The following MCHR2 variants were observed in gnomAD, a reference collection of about 807,000 sequenced individuals.
MCHR2 encodes melanin-concentrating hormone receptor 2.
In MCHR2, 15 loss-of-function variants were observed where a neutral mutation model predicts 24.8. That is an observed-to-expected ratio of 0.60 (90% CI 0.40 to 0.93). The LOEUF (loss-of-function observed/expected upper bound fraction) is 0.93. Among genes scored for constraint, MCHR2 ranks in the 40% least tolerant of loss-of-function variants. The pLI is 0.00. For synonymous variants in MCHR2, 151 were observed against 147.6 expected, an observed-to-expected ratio of 1.02 and a Z score of -0.17; for missense variants, 386 against 408.7, an observed-to-expected ratio of 0.94 and a Z score of 0.48.
In MCHR2 at chr6:99,947,743, T is replaced by C. The variant is rs1774896075; in HGVS notation, c.392+19A>G. On this transcript the variant is annotated intron_variant, in intron 3 of 5. Coordinates refer to ENST00000281806, the MANE Select transcript of MCHR2 (RefSeq NM_001040179.2). ...GCACCTCTGAATTATATTAAGATAT[T>C]TCAAAGTCTTTCACTTACCTGTCCA... The C allele has an allele frequency of 1.9e-6, 3 of 1,608,718 alleles. No homozygotes were observed. Among genetic ancestry groups the C allele is most frequent in the Non-Finnish European group, 2.5e-6 (3 of 1,177,568 alleles).
intron 1 of MCHR2, among the ~76,000 whole-genome samples, chr6:99,980,232 G>A (rs2114585479): frequency 6.6e-6 from 1 of 152,262 alleles, no homozygotes; most frequent in Admixed American, 6.5e-5. Flanking sequence ...AATTTTCCCA[G>A]CACCACAGTC....
chr6:99,928,146 T>A (rs1287338598), intron 5 of MCHR2, among the ~76,000 whole-genome samples: 1 of 152,220 alleles, frequency 6.6e-6, no homozygotes, highest in African/African-American at 2.4e-5. Context: ...CCTTTATGGA[T>A]TTGCATATAT....
At chr6:99,962,459 C>A (rs984904098) in intron 1 of MCHR2, among the ~76,000 whole-genome samples, 1 of 152,152 alleles carries the variant, frequency 6.6e-6, no homozygotes, top group Non-Finnish European at 1.5e-5. Flanking sequence ...GTATGGTCAA[C>A]TGATCTTCAA....
At chr6:99,927,587 T>G (rs1161102377) in intron 5 of MCHR2, among the ~76,000 whole-genome samples, 1 of 152,132 alleles carries the variant, frequency 6.6e-6, no homozygotes, top group Non-Finnish European at 1.5e-5. Context: ...TATTTTATTC[T>G]CTTTGAAGCA....
At chr6:99,958,546 A>T (rs943350147) in intron 1 of MCHR2, among the ~76,000 whole-genome samples, 2 of 152,264 alleles carry the variant, frequency 1.3e-5, no homozygotes, top group Admixed American at 6.5e-5. Context: ...TGAAAAAAAA[A>T]ATCTGTTCAT....
intron 1 of MCHR2, among the ~76,000 whole-genome samples, chr6:99,968,894 G>A (rs1301711552): frequency 1.3e-5 from 2 of 151,920 alleles, no homozygotes; most frequent in Non-Finnish European, 2.9e-5. Flanking sequence ...AGATAAGTCT[G>A]AAGGGAAATT....
chr6:99,971,235 T>C (rs1220048808), intron 1 of MCHR2, among the ~76,000 whole-genome samples: 2 of 152,072 alleles, frequency 1.3e-5, no homozygotes, highest in African/African-American at 2.4e-5. Flanking sequence ...TCTTATTTCA[T>C]TGAGCAGTGG....
chr6:99,964,058 G>C (rs1022807476), intron 1 of MCHR2, among the ~76,000 whole-genome samples: 2 of 152,046 alleles, frequency 1.3e-5, no homozygotes, highest in Non-Finnish European at 2.9e-5. Context: ...TAAGGAAAAG[G>C]CTAATTAAAA....
intron 5 of MCHR2, among the ~76,000 whole-genome samples, chr6:99,930,175 C>T (rs1205760240): frequency 3.9e-5 from 6 of 152,190 alleles, no homozygotes; most frequent in Non-Finnish European, 7.3e-5. Flanking sequence ...CCCTCACTTT[C>T]TCCTGGCTTG....
intron 2 of MCHR2, among the ~76,000 whole-genome samples, chr6:99,948,941 T>C (rs1363893216): frequency 6.6e-6 from 1 of 152,114 alleles, no homozygotes; most frequent in Non-Finnish European, 1.5e-5. Flanking sequence ...AGCTGGTAGA[T>C]GGCACTGAGA....
chr6:99,964,154 C>T (rs977171269), intron 1 of MCHR2, among the ~76,000 whole-genome samples: 2 of 152,034 alleles, frequency 1.3e-5, no homozygotes, highest in African/African-American at 4.8e-5. Flanking sequence ...ACAGAAACTC[C>T]CACCACTGGT....
chr6:99,992,435 G>A (rs982383922), intron 1 of MCHR2, among the ~76,000 whole-genome samples: 4 of 152,190 alleles, frequency 2.6e-5, no homozygotes, highest in Non-Finnish European at 5.9e-5. Context: ...GGACTTAGCA[G>A]TATACACAAC....
At chr6:99,945,735 T>A (rs893160228) in intron 3 of MCHR2, among the ~76,000 whole-genome samples, 3 of 152,142 alleles carry the variant, frequency 2.0e-5, no homozygotes, top group African/African-American at 7.2e-5. Context: ...TTCAGTTTTA[T>A]AGGCTCTTCA....
intron 1 of MCHR2, among the ~76,000 whole-genome samples, chr6:99,980,131 G>A (rs549793531): frequency 6.6e-6 from 1 of 151,234 alleles, no homozygotes; most frequent in South Asian, 2.1e-4. Flanking sequence ...ATAAAGTAAT[G>A]AGAAAGTAAA....
chr6:99,935,079 C>T (rs1013637644), intron 4 of MCHR2, among the ~76,000 whole-genome samples: 2 of 151,906 alleles, frequency 1.3e-5, no homozygotes, highest in African/African-American at 2.4e-5. Flanking sequence ...AAACAATTTT[C>T]GCTGATGCAT....
intron 5 of MCHR2, among the ~76,000 whole-genome samples, chr6:99,925,263 C>CT (rs905158276): frequency 2.0e-5 from 3 of 151,232 alleles, no homozygotes; most frequent in African/African-American, 2.4e-5. Context: ...TTTTCCATTC[C>CT]TTTTTTTTCA....
intron 1 of MCHR2, among the ~76,000 whole-genome samples, chr6:99,966,979 C>A (rs970509447): frequency 2.6e-5 from 4 of 151,986 alleles, no homozygotes; most frequent in Non-Finnish European, 5.9e-5. Context: ...TCATGTGGTA[C>A]CTTTGGGTTG....
At chr6:99,971,690 T>G (rs1383048314) in intron 1 of MCHR2, among the ~76,000 whole-genome samples, 1 of 152,234 alleles carries the variant, frequency 6.6e-6, no homozygotes, top group African/African-American at 2.4e-5. Flanking sequence ...TGATATTTGC[T>G]GTGGGCTTGT....
At chr6:99,963,056 T>C (rs1401078839) in intron 1 of MCHR2, among the ~76,000 whole-genome samples, 1 of 151,890 alleles carries the variant, frequency 6.6e-6, no homozygotes, top group Admixed American at 6.6e-5. Flanking sequence ...TATCACCTCA[T>C]CCCTGTTAGT....
Sources: gnomAD v4.1 joint callset for allele counts (sites outside exome capture counted in the v4.1 genomes callset) on GRCh38, gnomAD v4.1.1 for gene constraint, MANE v1.5 for transcripts, NCBI Gene and HGNC (gene_info 2026-07-23, HGNC 2026-07-21) for gene names.